Variants in DOCK3 observed in about 807,000 individuals in gnomAD.
DOCK3 encodes dedicator of cytokinesis 3.
A neutral mutation model predicts 265.6 loss-of-function variants in DOCK3; 60 were observed. That is an observed-to-expected ratio of 0.23 (90% CI 0.18 to 0.28). The LOEUF (loss-of-function observed/expected upper bound fraction) is 0.28. Ranked by LOEUF, DOCK3 falls within the 10% of genes least tolerant of loss-of-function variation. The probability of loss-of-function intolerance (pLI) is 1.00; values close to 1 mark genes in which losing one functional copy is unlikely to be tolerated. For synonymous variants in DOCK3, 881 were observed against 938.0 expected, an observed-to-expected ratio of 0.94 and a Z score of 1.11; for missense variants, 1,981 against 2,594.3, an observed-to-expected ratio of 0.76 and a Z score of 5.14.
At chr3:50,913,462 GTCCCATTAGGTGTCACGCACCTC>G (rs1339212446) in intron 4 of DOCK3, among the ~76,000 whole-genome samples, 1 of 152,054 alleles carries the variant, frequency 6.6e-6, no homozygotes, top group African/African-American at 2.4e-5. Flanking sequence ...TTTGGCTCTT[GTCCCATTAGGTGTCACGCACCTC>G]TCCAGTCCAC....
At chr3:51,315,881 C>T (rs1044010582) in intron 32 of DOCK3, among the ~76,000 whole-genome samples, 1 of 152,062 alleles carries the variant, frequency 6.6e-6, no homozygotes, top group African/African-American at 2.4e-5. Context: ...GGGAATTGTA[C>T]CAGTTCCCCA....
At chr3:50,811,195 C>G (rs566016741) in intron 2 of DOCK3, among the ~76,000 whole-genome samples, 1 of 151,300 alleles carries the variant, frequency 6.6e-6, no homozygotes, top group South Asian at 2.1e-4. Context: ...TCAAGACCAG[C>G]CTAATCAACA....
chr3:51,242,657 A>G (rs1043545754), intron 21 of DOCK3, among the ~76,000 whole-genome samples: 1 of 151,944 alleles, frequency 6.6e-6, no homozygotes, highest in African/African-American at 2.4e-5. Context: ...CACTCAGGAT[A>G]GGGGAGGATC....
intron 2 of DOCK3, among the ~76,000 whole-genome samples, chr3:50,799,959 G>A (rs527740779): frequency 2.0e-5 from 3 of 152,104 alleles, no homozygotes; most frequent in South Asian, 2.1e-4. Flanking sequence ...GAGGTGTTAC[G>A]GTTTTTGTCC....
intron 1 of DOCK3, among the ~76,000 whole-genome samples, chr3:50,682,798 G>A (rs1234954661): frequency 6.6e-6 from 1 of 152,206 alleles, no homozygotes. Flanking sequence ...AATTAGCCGG[G>A]CATGGTGGCG....
intron 2 of DOCK3, among the ~76,000 whole-genome samples, chr3:50,804,073 G>A (rs964139270): frequency 4.6e-5 from 7 of 151,696 alleles, no homozygotes; most frequent in East Asian, 2.0e-4. Flanking sequence ...GGTCGCGGCC[G>A]GGCAGAGGCG....
chr3:50,874,604 G>A (rs1315476983), intron 3 of DOCK3, among the ~76,000 whole-genome samples: 1 of 150,280 alleles, frequency 6.7e-6, no homozygotes, highest in South Asian at 2.1e-4. Context: ...CATTTATTTT[G>A]TGTCCTTTTC....
intron 7 of DOCK3, among the ~76,000 whole-genome samples, chr3:51,084,491 T>C (rs1008766737): frequency 6.6e-6 from 1 of 152,114 alleles, no homozygotes; most frequent in Non-Finnish European, 1.5e-5. Context: ...AAGAATACTA[T>C]ACCCAACAAA....
At chr3:51,321,880 A>G (rs556048266) in intron 32 of DOCK3, among the ~76,000 whole-genome samples, 59 of 152,330 alleles carry the variant, frequency 3.9e-4, no homozygotes, top group Admixed American at 7.2e-4. Flanking sequence ...GACAGGGAGA[A>G]TGGAACCAAG....
intron 23 of DOCK3, among the ~76,000 whole-genome samples, chr3:51,270,547 C>A (rs1462676199): frequency 1.3e-5 from 2 of 152,174 alleles, no homozygotes; most frequent in Non-Finnish European, 2.9e-5. Flanking sequence ...TTTCTTTATA[C>A]CCCATTCTCT....
At chr3:50,995,585 T>C (rs1575706875) in intron 5 of DOCK3, among the ~76,000 whole-genome samples, 1 of 152,112 alleles carries the variant, frequency 6.6e-6, no homozygotes, top group Non-Finnish European at 1.5e-5. Flanking sequence ...GGTTCACACA[T>C]GAGAGGTGAT....
chr3:50,948,118 G>A lies in DOCK3; in HGVS notation c.315+14041G>A, dbSNP rs1012782456. 5.4e-5 allele frequency among the ~76,000 whole-genome samples: 8 copies of A among 148,084 alleles called. No homozygotes were observed. The South Asian group carries it at 1.3e-3, about 24-fold the overall frequency. On this transcript the variant is annotated intron_variant, in intron 5 of 52. Transcript: ENST00000266037. ...GTTGCCCAGGCTGGAGTGCAGTGGC[G>A]CGATCTCGGCTCACTGCAAGCTCCA... is the stretch of plus-strand genomic sequence containing the variant.
intron 10 of DOCK3, among the ~76,000 whole-genome samples, chr3:51,150,844 C>T (rs185833225): frequency 8.9e-4 from 135 of 152,166 alleles, no homozygotes; most frequent in Non-Finnish European, 1.7e-3. Context: ...CTGTAGATGT[C>T]TATTTGGTCC....
chr3:51,086,219 G>T (rs887424450), intron 7 of DOCK3, among the ~76,000 whole-genome samples: 4 of 152,220 alleles, frequency 2.6e-5, no homozygotes, highest in Admixed American at 6.5e-5. Context: ...TCTGCAGCAG[G>T]AGCATGTCCT....
intron 5 of DOCK3, among the ~76,000 whole-genome samples, chr3:50,955,272 G>A (rs1341202560): frequency 6.6e-6 from 1 of 152,186 alleles, no homozygotes; most frequent in East Asian, 1.9e-4. Context: ...GGAGAGCAGT[G>A]TGGCAATTCC....
chr3:50,920,940 T>C (rs983357581), intron 4 of DOCK3, among the ~76,000 whole-genome samples: 31 of 152,348 alleles, frequency 2.0e-4, no homozygotes, highest in Non-Finnish European at 2.8e-4. Context: ...GAGATTCTGG[T>C]ATGTTATGTC....
chr3:51,222,694 C>T (rs2090155579), intron 14 of DOCK3, among the ~76,000 whole-genome samples: 1 of 152,166 alleles, frequency 6.6e-6, no homozygotes, highest in Non-Finnish European at 1.5e-5. Context: ...AAATAAACTG[C>T]TTCAGTCTGT....
chr3:51,300,689 T>G (rs2082321452), intron 27 of DOCK3, among the ~76,000 whole-genome samples: 1 of 152,230 alleles, frequency 6.6e-6, no homozygotes, highest in Non-Finnish European at 1.5e-5. Context: ...GCTCTGTTTA[T>G]GTGCTGAATT....
intron 49 of DOCK3, among the ~76,000 whole-genome samples, chr3:51,364,134 C>T (rs1044003627): frequency 1.3e-5 from 2 of 152,234 alleles, no homozygotes; most frequent in African/African-American, 2.4e-5. Flanking sequence ...TTCTCTACAT[C>T]CTCTCCAGCA....
Sources: gnomAD v4.1 joint callset for allele counts (sites outside exome capture counted in the v4.1 genomes callset) on GRCh38, gnomAD v4.1.1 for gene constraint, MANE v1.5 for transcripts, NCBI Gene and HGNC (gene_info 2026-07-23, HGNC 2026-07-21) for gene names.